The following TBC1D5 variants were observed in gnomAD, a reference collection of about 807,000 sequenced individuals.
TBC1D5 encodes the protein TBC1 domain family, member 5.
Under a neutral mutation model 100.3 loss-of-function variants are expected in TBC1D5, and 75 were observed. The observed-to-expected ratio is 0.75, with a 90% CI of 0.62 to 0.91. TBC1D5 has a LOEUF of 0.91. Among genes scored for constraint, TBC1D5 ranks in the 40% least tolerant of loss-of-function variants. TBC1D5 has a pLI of 0.00. For missense variants in TBC1D5, 910 were observed against 942.4 expected (o/e 0.97, Z 0.45); for synonymous variants, 323 against 325.6 (o/e 0.99, Z 0.09).
At chr3:17,709,663 C>T (rs779651823) in intron 1 of TBC1D5, among the ~76,000 whole-genome samples, 1 of 151,958 alleles carries the variant, frequency 6.6e-6, no homozygotes, top group Non-Finnish European at 1.5e-5. Context: ...GACTAGAAAG[C>T]CAAGGCAGGC....
chr3:17,512,921 GA>G, intron 2 of TBC1D5, among the ~76,000 whole-genome samples: 1 of 152,250 alleles, frequency 6.6e-6, no homozygotes, highest in African/African-American at 2.4e-5. Flanking sequence ...CTGTCTGAAA[GA>G]AAAGACTTCT....
At chr3:17,656,849 C>G (rs548538672) in intron 1 of TBC1D5, among the ~76,000 whole-genome samples, 1 of 151,808 alleles carries the variant, frequency 6.6e-6, no homozygotes, top group African/African-American at 2.4e-5. Flanking sequence ...ATATAAAATG[C>G]GCATTCGAAT....
chr3:17,300,604 T>A (rs184613299), intron 14 of TBC1D5, among the ~76,000 whole-genome samples: 3 of 151,982 alleles, frequency 2.0e-5, no homozygotes, highest in East Asian at 3.9e-4. Flanking sequence ...GCTAAAGAAA[T>A]CCCTATCAAA....
At chr3:17,494,492 C>T (rs535428654) in intron 3 of TBC1D5, among the ~76,000 whole-genome samples, 29 of 152,312 alleles carry the variant, frequency 1.9e-4, no homozygotes, top group African/African-American at 6.3e-4. Flanking sequence ...TGCCCAGACT[C>T]CTCAGAGCCA....
chr3:17,571,148 T>C (rs1301391950), intron 2 of TBC1D5, among the ~76,000 whole-genome samples: 1 of 152,024 alleles, frequency 6.6e-6, no homozygotes, highest in East Asian at 1.9e-4. Flanking sequence ...AAAATTTGCA[T>C]TCCCTTACAA....
intron 15 of TBC1D5, among the ~76,000 whole-genome samples, chr3:17,289,436 C>G (rs563659822): frequency 6.6e-6 from 1 of 152,148 alleles, no homozygotes; most frequent in South Asian, 2.1e-4. Context: ...CAGTTCTTGA[C>G]CATCCTGGCC....
Position 17,166,860 on chromosome 3 carries a change from C to G in TBC1D5, c.2001G>C (p.Gln667His), listed in dbSNP as rs146791549. 2.0e-4 allele frequency: 315 copies of G among 1,614,076 alleles called. No individual in the cohort carries two copies. Among genetic ancestry groups the G allele is most frequent in the Non-Finnish European group, 2.6e-4 (303 of 1,180,028 alleles). ...AGTAGTGGTTGTCCGCAATGGTGAT[C>G]TGTTCGTTCTCTTCGGCCTCTAGCT... Residue 667 changes from glutamine (Q) to histidine (H), a missense_variant, in exon 21 of 22, where the codon CAG becomes CAC. Coordinates refer to ENST00000253692, the Ensembl canonical transcript of TBC1D5.
chr3:17,188,133 A>G (rs952474467), intron 18 of TBC1D5, among the ~76,000 whole-genome samples: 1 of 152,174 alleles, frequency 6.6e-6, no homozygotes, highest in South Asian at 2.1e-4. Context: ...TTCTCAAAAC[A>G]TTTTATTCCT....
At chr3:17,663,966 A>C (rs1166138457) in intron 1 of TBC1D5, among the ~76,000 whole-genome samples, 1 of 152,238 alleles carries the variant, frequency 6.6e-6, no homozygotes, top group Non-Finnish European at 1.5e-5. Context: ...AACTTATAAA[A>C]CACAAGTAAT....
In TBC1D5 at chr3:17,422,908, T is replaced by C. The variant is rs537846048; in HGVS notation, c.167+5542A>G. Among the ~76,000 whole-genome samples the C allele has an allele frequency of 5.3e-5, 8 of 152,328 alleles. No homozygotes were observed. The East Asian group carries it at 1.5e-3, about 29-fold the overall frequency. On this transcript the variant is annotated intron_variant, in intron 4 of 21. Coordinates refer to ENST00000253692, the Ensembl canonical transcript of TBC1D5. ...TACATACAAATCTTTGTGCCAAAGC[T>C]TGAAGCCTAATTTTTCAAATTTACT...
intron 1 of TBC1D5, among the ~76,000 whole-genome samples, chr3:17,711,769 T>C (rs1204822016): frequency 6.6e-6 from 1 of 152,222 alleles, no homozygotes; most frequent in African/African-American, 2.4e-5. Context: ...TCCTATCTCC[T>C]ACTGATGTAT....
At chr3:17,680,485 C>T (rs1300826133) in intron 1 of TBC1D5, among the ~76,000 whole-genome samples, 1 of 151,158 alleles carries the variant, frequency 6.6e-6, no homozygotes, top group Non-Finnish European at 1.5e-5. Context: ...CCTCAGCCTC[C>T]CAGAGTGCTG....
chr3:17,332,284 T>C (rs2086988382), intron 13 of TBC1D5, among the ~76,000 whole-genome samples: 1 of 152,184 alleles, frequency 6.6e-6, no homozygotes, highest in Admixed American at 6.5e-5. Flanking sequence ...AGATGATTCC[T>C]AAGTTTCAGG....
intron 2 of TBC1D5, among the ~76,000 whole-genome samples, chr3:17,559,594 ATTTT>A (rs35500376): frequency 6.8e-6 from 1 of 147,488 alleles, no homozygotes. Flanking sequence ...CAAATCTAGA[ATTTT>A]TTTTTTTTTG....
intron 16 of TBC1D5, among the ~76,000 whole-genome samples, chr3:17,248,352 A>G (rs981328036): frequency 9.9e-5 from 15 of 152,268 alleles, no homozygotes; most frequent in African/African-American, 3.6e-4. Context: ...TCTAAAATCA[A>G]CTTCTTTCAA....
intron 21 of TBC1D5, among the ~76,000 whole-genome samples, chr3:17,165,951 T>C (rs2066548410): frequency 6.6e-6 from 1 of 152,122 alleles, no homozygotes; most frequent in African/African-American, 2.4e-5. Context: ...CTGGCCTTCA[T>C]TTTCTCACTG....
chr3:17,419,612 A>C (rs1304493137), intron 4 of TBC1D5, among the ~76,000 whole-genome samples: 1 of 152,148 alleles, frequency 6.6e-6, no homozygotes, highest in Non-Finnish European at 1.5e-5. Context: ...CCTAGCAAAC[A>C]GATTTTCCTC....
chr3:17,382,266 G>A (rs2092976035), intron 9 of TBC1D5, among the ~76,000 whole-genome samples: 1 of 152,042 alleles, frequency 6.6e-6, no homozygotes, highest in African/African-American at 2.4e-5. Flanking sequence ...AATTGTCTAA[G>A]ATTGTGAAGT....
chr3:17,342,757 T>C (rs908016177), intron 13 of TBC1D5, among the ~76,000 whole-genome samples: 3 of 152,212 alleles, frequency 2.0e-5, no homozygotes, highest in African/African-American at 7.2e-5. Flanking sequence ...ATATAATATA[T>C]AAACAAATTT....
Sources: gnomAD v4.1 joint callset for allele counts (sites outside exome capture counted in the v4.1 genomes callset) on GRCh38, gnomAD v4.1.1 for gene constraint, MANE v1.5 for transcripts, NCBI Gene and HGNC (gene_info 2026-07-23, HGNC 2026-07-21) for gene names.